Variants in SFMBT2 observed in about 807,000 individuals in gnomAD.
SFMBT2 encodes scm-like with four MBT domains protein 2.
SFMBT2 carries 38 observed loss-of-function variants against 110.1 expected under a neutral mutation model. The observed-to-expected ratio is 0.35, with a 90% CI of 0.27 to 0.45. The LOEUF is 0.45. SFMBT2 is among the 20% of genes least tolerant of loss of function. The pLI is 1.00. For missense variants in SFMBT2, 1,011 were observed against 1,094.9 expected (o/e 0.92, Z 1.08); for synonymous variants, 425 against 425.4 (o/e 1.00, Z 0.01).
chr10:7,409,780 T>C (rs1236581164), intron 1 of SFMBT2, among the ~76,000 whole-genome samples: 1 of 151,994 alleles, frequency 6.6e-6, no homozygotes, highest in Non-Finnish European at 1.5e-5. Flanking sequence ...AAAACCTTTA[T>C]TTTCAGTTTT....
chr10:7,360,581 TAAAC>T (rs1409207532), intron 4 of SFMBT2, among the ~76,000 whole-genome samples: 1 of 152,230 alleles, frequency 6.6e-6, no homozygotes, highest in Non-Finnish European at 1.5e-5. Flanking sequence ...TTTTTACTCA[TAAAC>T]AAAGAGTTAT....
At chr10:7,248,689 T>C (rs1282573366) in intron 7 of SFMBT2, 40 bp from the exon 8 acceptor site, 1 of 1,584,272 alleles carries the variant, frequency 6.3e-7, no homozygotes, top group African/African-American at 1.3e-5. Context: ...GCCACGGTAT[T>C]GTAAATGACC....
At chr10:7,276,813 A>G in intron 7 of SFMBT2, 79 bp downstream of exon 7, 1 of 768,378 alleles carries the variant, frequency 1.3e-6, no homozygotes, top group Middle Eastern at 2.3e-4. Flanking sequence ...GGCATGAGCC[A>G]CTGCGCCCGG....
chr10:7,287,239 C>T (rs561844943), intron 4 of SFMBT2: 7 of 152,488 alleles, frequency 4.6e-5, no homozygotes, highest in African/African-American at 1.7e-4. Context: ...GCCACCATGC[C>T]CGGCTAATTT....
At chr10:7,235,062 C>T (rs1564398357) in intron 9 of SFMBT2, among the ~76,000 whole-genome samples, 1 of 152,194 alleles carries the variant, frequency 6.6e-6, no homozygotes, top group Non-Finnish European at 1.5e-5. Context: ...GCCAGTGGCA[C>T]ACACGGATGT....
At chr10:7,331,461 G>A (rs1045042950) in intron 4 of SFMBT2, among the ~76,000 whole-genome samples, 7 of 152,190 alleles carry the variant, frequency 4.6e-5, no homozygotes, top group African/African-American at 1.4e-4. Context: ...CAGGATGTCA[G>A]AGTCGGAAAG....
Position 7,190,542 on chromosome 10 carries a change from G to A in SFMBT2, c.1699-1809C>T, listed in dbSNP as rs114893708. On this transcript the variant is annotated intron_variant, in intron 15 of 20. Coordinates refer to ENST00000397167, the MANE Select transcript of SFMBT2 (RefSeq NM_001387889.1). ...GGCTTTTCTTGATGCCACATCATCC[G>A]TCTCCAAATTCAACAAGCTCTCTAT... 8.2e-3 allele frequency among the ~76,000 whole-genome samples: 1,256 copies of A among 152,280 alleles called. 16 individuals are homozygous for A. The highest frequency in any genetic ancestry group is 0.029 in the African/African-American group (1,200 of 41,544).
Position 7,172,510 on chromosome 10 carries a change from G to A in SFMBT2, c.2136C>T (p.Thr712=), listed in dbSNP as rs528219465. 30 of 1,614,098 alleles carry A rather than the reference G, an allele frequency of 1.9e-5. No homozygotes were observed. In the South Asian group the frequency reaches 2.0e-4, roughly 11 times the overall value. ...CAGAACATACCTCCCCCGAGCCCGC[G>A]GTGAAGTCCACGGCAGAAGACCTCC... is the stretch of plus-strand genomic sequence containing the variant. ...KKRRSSAVDF[T]AGSGEESEEE... Residue 712 remains threonine, a synonymous_variant, in exon 18 of 21, where the codon ACC becomes ACT. Coordinates refer to ENST00000397167, the MANE Select transcript of SFMBT2 (RefSeq NM_001387889.1). This position sits in a 1 kb window ranked among gnomAD's most constrained non-coding sequence, Gnocchi z 4.6.
intron 7 of SFMBT2, among the ~76,000 whole-genome samples, chr10:7,258,057 G>A (rs2692774): frequency 0.11 from 16,020 of 152,114 alleles, 1,645 homozygotes; most frequent in African/African-American, 0.27. Context: ...TCAGCCTCCC[G>A]GGTAGCTGGG....
At chr10:7,355,686 G>A (rs1444727095) in intron 4 of SFMBT2, among the ~76,000 whole-genome samples, 4 of 152,082 alleles carry the variant, frequency 2.6e-5, no homozygotes, top group Non-Finnish European at 4.4e-5. Flanking sequence ...GGTGGCGGGC[G>A]CCTGTAATCC....
intron 4 of SFMBT2, among the ~76,000 whole-genome samples, chr10:7,354,570 A>G (rs988699272): frequency 6.6e-6 from 1 of 152,146 alleles, no homozygotes; most frequent in African/African-American, 2.4e-5. Flanking sequence ...GGCCTGGTGG[A>G]TGTAGAAACT....
intron 4 of SFMBT2, among the ~76,000 whole-genome samples, chr10:7,319,323 T>A (rs1843103600): frequency 6.6e-6 from 1 of 152,174 alleles, no homozygotes; most frequent in African/African-American, 2.4e-5. Flanking sequence ...AAGCATTACT[T>A]TTGCTCATTC....
At chr10:7,215,049 G>A (rs1755265833) in intron 11 of SFMBT2, among the ~76,000 whole-genome samples, 1 of 152,236 alleles carries the variant, frequency 6.6e-6, no homozygotes, top group Admixed American at 6.5e-5. Context: ...GGAAGAGAGA[G>A]CTGATCACAT....
At chr10:7,347,970 C>T (rs1844172411) in intron 4 of SFMBT2, among the ~76,000 whole-genome samples, 1 of 152,120 alleles carries the variant, frequency 6.6e-6, no homozygotes, top group African/African-American at 2.4e-5. Context: ...TTTTGATGGG[C>T]TAACAAATTG....
chr10:7,184,843 T>C (rs1234741827), intron 16 of SFMBT2, among the ~76,000 whole-genome samples: 1 of 152,124 alleles, frequency 6.6e-6, no homozygotes, highest in Non-Finnish European at 1.5e-5. Flanking sequence ...AAGGAAATGG[T>C]GACTCTGAGA....
Position 7,342,533 on chromosome 10 carries a change from C to T in SFMBT2, c.436+25116G>A, listed in dbSNP as rs528001560. Among the ~76,000 whole-genome samples, 15 of 151,532 alleles carry T rather than the reference C, an allele frequency of 9.9e-5. No individual in the cohort carries two copies. In the South Asian group the frequency reaches 2.3e-3, roughly 23 times the overall value. On this transcript the variant is annotated intron_variant, in intron 4 of 20. Coordinates refer to ENST00000397167, the MANE Select transcript of SFMBT2 (RefSeq NM_001387889.1). ...ATGCCATTCTCCTGCCTCAGCCTCC[C>T]GAGCAGCTGGGACTACAGGCACCCG... is the stretch of plus-strand genomic sequence containing the variant.
At chr10:7,196,999 G>C (rs892150627) in intron 15 of SFMBT2, among the ~76,000 whole-genome samples, 1 of 152,190 alleles carries the variant, frequency 6.6e-6, no homozygotes, top group African/African-American at 2.4e-5. Context: ...GCCTGGATGT[G>C]ACCCATGACA....
intron 8 of SFMBT2, among the ~76,000 whole-genome samples, chr10:7,244,480 C>T (rs1840543147): frequency 1.3e-5 from 2 of 152,148 alleles, no homozygotes; most frequent in African/African-American, 2.4e-5. Flanking sequence ...ACAAGTATTT[C>T]CAAATGCATA....
intron 20 of SFMBT2, among the ~76,000 whole-genome samples, chr10:7,165,658 C>A (rs1837676247): frequency 6.6e-6 from 1 of 152,200 alleles, no homozygotes; most frequent in South Asian, 2.1e-4. Flanking sequence ...CCACGTTCAA[C>A]CAAGACCAAA....
Sources: allele counts gnomAD v4.1 joint callset (sites outside exome capture counted in the v4.1 genomes callset), GRCh38; gene constraint gnomAD v4.1.1; non-coding constraint Gnocchi (gnomAD v3.1); transcripts MANE v1.5; gene names NCBI Gene and HGNC (gene_info 2026-07-23, HGNC 2026-07-21).